PXDNL: variants seen among roughly 807,000 people sequenced by gnomAD.
PXDNL encodes probable oxidoreductase PXDNL.
In PXDNL, 145 loss-of-function variants were observed where a neutral mutation model predicts 150.8. The observed-to-expected ratio is 0.96, with a 90% CI of 0.84 to 1.10. PXDNL has a LOEUF of 1.10. PXDNL is among the 50% of genes least tolerant of loss of function. The pLI is 0.00. For missense variants in PXDNL, 2,087 were observed against 1,873.9 expected, an observed-to-expected ratio of 1.11 and a Z score of -2.10; for synonymous variants, 757 against 725.7, an observed-to-expected ratio of 1.04 and a Z score of -0.69.
Position 51,497,685 on chromosome 8 carries a change from C to T in PXDNL, c.452+2014G>A, listed in dbSNP as rs547700739. Among the ~76,000 whole-genome samples, 4 of 152,304 alleles carry T rather than the reference C, an allele frequency of 2.6e-5. No individual in the cohort carries two copies. In the East Asian group the frequency reaches 5.8e-4, roughly 22 times the overall value. On this transcript the variant is annotated intron_variant, in intron 5 of 22. Coordinates refer to ENST00000356297, the MANE Select transcript of PXDNL (RefSeq NM_144651.5). ...GCCAACAGACACTTAAAAAAATGCT[C>T]ATCATCATTGGCCATCAGAGAAATG...
At chr8:51,588,246 A>C (rs1159334397) in intron 3 of PXDNL, among the ~76,000 whole-genome samples, 2 of 152,190 alleles carry the variant, frequency 1.3e-5, no homozygotes, top group African/African-American at 4.8e-5. Flanking sequence ...TATGCATTGA[A>C]TGGGTCTTCT....
intron 5 of PXDNL, among the ~76,000 whole-genome samples, chr8:51,494,598 A>G (rs1810996882): frequency 6.6e-6 from 1 of 152,124 alleles, no homozygotes; most frequent in Admixed American, 6.6e-5. Context: ...TACCAAGCAA[A>G]TAGAAAACAA....
At chr8:51,435,583 T>G (rs1809379801) in intron 12 of PXDNL, 1 of 173,158 alleles carries the variant, frequency 5.8e-6, no homozygotes, top group Non-Finnish European at 1.4e-5. Context: ...TGAGAACAAA[T>G]AATTAATGTG....
At chr8:51,485,518 T>C (rs917309112) in intron 5 of PXDNL, among the ~76,000 whole-genome samples, 18 of 152,188 alleles carry the variant, frequency 1.2e-4, no homozygotes, top group Non-Finnish European at 5.9e-5. Flanking sequence ...CACCCCTTGA[T>C]ACCTGAAATT....
chr8:51,694,514 C>T (rs1420541519), intron 1 of PXDNL, among the ~76,000 whole-genome samples: 2 of 152,224 alleles, frequency 1.3e-5, no homozygotes, highest in Non-Finnish European at 2.9e-5. Context: ...TCAAAGAGAG[C>T]TGCTGATGCC....
chr8:51,742,885 C>A (rs1367279380), intron 1 of PXDNL, among the ~76,000 whole-genome samples: 1 of 152,102 alleles, frequency 6.6e-6, no homozygotes, highest in Non-Finnish European at 1.5e-5. Context: ...CAATCAAATG[C>A]AGCATGCTGA....
intron 2 of PXDNL, among the ~76,000 whole-genome samples, chr8:51,653,547 T>C (rs1023422874): frequency 2.0e-5 from 3 of 152,200 alleles, no homozygotes; most frequent in African/African-American, 7.2e-5. Context: ...TTTTCGTACA[T>C]TGCACTTTGA....
intron 1 of PXDNL, among the ~76,000 whole-genome samples, chr8:51,689,509 G>A (rs1233187350): frequency 6.6e-6 from 1 of 152,044 alleles, no homozygotes; most frequent in African/African-American, 2.4e-5. Context: ...TCTTCCACAT[G>A]TGTACCAGTT....
chr8:51,375,659 C>G (rs1807279151), intron 17 of PXDNL, among the ~76,000 whole-genome samples: 1 of 152,164 alleles, frequency 6.6e-6, no homozygotes, highest in South Asian at 2.1e-4. Context: ...TATTGGAAAC[C>G]ATTCCAATTT....
intron 4 of PXDNL, among the ~76,000 whole-genome samples, chr8:51,521,050 G>C (rs187080084): frequency 6.6e-6 from 1 of 152,036 alleles, no homozygotes; most frequent in Non-Finnish European, 1.5e-5. Flanking sequence ...CCGGGCAACA[G>C]AGCACATAGC....
intron 17 of PXDNL, among the ~76,000 whole-genome samples, chr8:51,391,684 A>G (rs937497295): frequency 4.6e-5 from 7 of 151,884 alleles, no homozygotes; most frequent in Admixed American, 4.6e-4. Context: ...CCCATTTTGT[A>G]TGTTGCCTGT....
intron 1 of PXDNL, among the ~76,000 whole-genome samples, chr8:51,784,850 C>A (rs1237955614): frequency 1.3e-5 from 2 of 152,070 alleles, no homozygotes; most frequent in African/African-American, 4.8e-5. Flanking sequence ...ACTGAAAACA[C>A]AAAATCACTC....
chr8:51,415,048 G>A (rs910901607), intron 14 of PXDNL, among the ~76,000 whole-genome samples: 1 of 152,120 alleles, frequency 6.6e-6, no homozygotes, highest in African/African-American at 2.4e-5. Context: ...TGTATTTAGA[G>A]CCTTCTTTGG....
intron 14 of PXDNL, among the ~76,000 whole-genome samples, chr8:51,422,245 A>G (rs1271135426): frequency 6.6e-6 from 1 of 152,150 alleles, no homozygotes; most frequent in African/African-American, 2.4e-5. Context: ...ATATGTTACA[A>G]TGTAATAATA....
chr8:51,573,212 A>C (rs1812982484), intron 3 of PXDNL, among the ~76,000 whole-genome samples: 1 of 152,010 alleles, frequency 6.6e-6, no homozygotes, highest in South Asian at 2.1e-4. Flanking sequence ...CTAGATCCTC[A>C]CACTTGTGAG....
At chr8:51,399,608 A>G (rs1808186995) in intron 17 of PXDNL, among the ~76,000 whole-genome samples, 1 of 152,210 alleles carries the variant, frequency 6.6e-6, no homozygotes, top group Non-Finnish European at 1.5e-5. Flanking sequence ...ACCATGAGCT[A>G]TGCTTCTGGA....
At chr8:51,596,148 T>C (rs1038139233) in intron 2 of PXDNL, among the ~76,000 whole-genome samples, 1 of 152,140 alleles carries the variant, frequency 6.6e-6, no homozygotes, top group Non-Finnish European at 1.5e-5. Flanking sequence ...AAACCTGTAG[T>C]ATTTGTTTTT....
chr8:51,479,898 C>T (rs1165046004), intron 6 of PXDNL, among the ~76,000 whole-genome samples: 1 of 152,074 alleles, frequency 6.6e-6, no homozygotes, highest in Admixed American at 6.6e-5. Context: ...CAGTTGATGA[C>T]CATATCCAAG....
At chr8:51,728,587 A>G (rs1320232736) in intron 1 of PXDNL, among the ~76,000 whole-genome samples, 1 of 151,784 alleles carries the variant, frequency 6.6e-6, no homozygotes, top group Non-Finnish European at 1.5e-5. Context: ...GTATTAAATG[A>G]AAAAAAAATT....
Sources: allele counts gnomAD v4.1 joint callset (sites outside exome capture counted in the v4.1 genomes callset), GRCh38; gene constraint gnomAD v4.1.1; transcripts MANE v1.5; gene names NCBI Gene and HGNC (gene_info 2026-07-23, HGNC 2026-07-21).